The following EML6 variants were observed in gnomAD, a reference collection of about 807,000 sequenced individuals.
EML6 encodes echinoderm microtubule-associated protein-like 6.
In EML6, 154 loss-of-function variants were observed where a neutral mutation model predicts 240.1. The ratio of observed to expected loss-of-function variants is 0.64; its 90% CI spans 0.56 to 0.73. The LOEUF is 0.73. EML6 is among the 30% of genes least tolerant of loss of function. The pLI is 0.00. For synonymous variants in EML6, 1,148 were observed against 899.0 expected (o/e 1.28, Z -4.95); for missense variants, 2,964 against 2,474.6 (o/e 1.20, Z -4.20).
At chr2:54,748,431 G>A (rs1572852440) in intron 2 of EML6, 1 of 152,138 alleles carries the variant, frequency 6.6e-6, no homozygotes, top group Admixed American at 6.5e-5. Flanking sequence ...TATCTTGTTT[G>A]CTGTCTTCAT....
chr2:54,795,018 C>T (rs962828699), intron 2 of EML6, among the ~76,000 whole-genome samples: 1 of 152,096 alleles, frequency 6.6e-6, no homozygotes, highest in Admixed American at 6.5e-5. Flanking sequence ...AGAATTTTAC[C>T]ACGCCATTCT....
At chr2:54,895,151 C>A in intron 20 of EML6, 122 bp from the exon 21 acceptor site, 1 of 1,332,136 alleles carries the variant, frequency 7.5e-7, no homozygotes, top group Non-Finnish European at 1.0e-6. Context: ...AACTCTCTTC[C>A]TCTGGTAGAA....
intron 12 of EML6, among the ~76,000 whole-genome samples, chr2:54,863,325 C>G (rs963694442): frequency 6.6e-6 from 1 of 152,140 alleles, no homozygotes; most frequent in African/African-American, 2.4e-5. Flanking sequence ...AATGACCAAC[C>G]TAGGCAATGT....
At chr2:54,933,616 C>G (rs1448038429) in intron 28 of EML6, among the ~76,000 whole-genome samples, 1 of 152,070 alleles carries the variant, frequency 6.6e-6, no homozygotes, top group African/African-American at 2.4e-5. Flanking sequence ...CGCCTGTAAT[C>G]TCAGCTACTC....
intron 12 of EML6, among the ~76,000 whole-genome samples, chr2:54,861,989 T>C (rs535633921): frequency 1.3e-5 from 2 of 152,260 alleles, no homozygotes; most frequent in African/African-American, 2.4e-5. Context: ...ACTTTAGAGA[T>C]AGAAGGTGTT....
chr2:54,896,925 C>T (rs977389632), intron 21 of EML6, among the ~76,000 whole-genome samples: 1 of 152,198 alleles, frequency 6.6e-6, no homozygotes, highest in Non-Finnish European at 1.5e-5. Flanking sequence ...GAAAGCTCTG[C>T]AGCTGGTCGT....
chr2:54,884,896 G>A (rs1328640600), intron 17 of EML6, among the ~76,000 whole-genome samples: 2 of 152,176 alleles, frequency 1.3e-5, no homozygotes, highest in Non-Finnish European at 2.9e-5. Flanking sequence ...TCATTGGGCT[G>A]GGCATGGGGG....
intron 3 of EML6, among the ~76,000 whole-genome samples, chr2:54,813,734 T>G (rs1018690435): frequency 6.6e-6 from 1 of 152,212 alleles, no homozygotes; most frequent in Non-Finnish European, 1.5e-5. Flanking sequence ...CAAGCCTTAT[T>G]CATAGACGTC....
intron 2 of EML6, among the ~76,000 whole-genome samples, chr2:54,763,649 A>G (rs1475902188): frequency 6.6e-6 from 1 of 152,202 alleles, no homozygotes; most frequent in Non-Finnish European, 1.5e-5. Flanking sequence ...AAGTCATAGA[A>G]AATATGGAGA....
intron 2 of EML6, among the ~76,000 whole-genome samples, chr2:54,750,687 C>A (rs1000616064): frequency 3.3e-5 from 5 of 152,110 alleles, no homozygotes; most frequent in African/African-American, 1.2e-4. Flanking sequence ...ATGTTGATGC[C>A]AATGGTCATG....
At chr2:54,892,432 A>G in intron 18 of EML6, 22 bp from the exon 19 acceptor site, 1 of 1,522,490 alleles carries the variant, frequency 6.6e-7, no homozygotes, top group South Asian at 1.2e-5. Context: ...ATAAAGTAAT[A>G]ACTGTTCTTG....
chr2:54,847,514 A>G lies in EML6; in HGVS notation c.1078A>G (p.Ile360Val), dbSNP rs1004892087. ...GTGGAGCCTGGCTGATCATGCCTTG[A>G]TCGCCCGCTGTAACATGGAAGAGGC... Reference protein sequence around the residue: ...RLWSLADHALIARCNMEEAVR... With the variant: ...RLWSLADHALVARCNMEEAVR... Residue 360 changes from isoleucine (I) to valine (V), a missense_variant, in exon 9 of 42, where the codon ATC (isoleucine) becomes GTC (valine). Coordinates refer to ENST00000356458, the MANE Select transcript of EML6 (RefSeq NM_001039753.4). The G allele has an allele frequency of 5.2e-6, 8 of 1,551,680 alleles. No individual in the cohort carries two copies. The Admixed American group carries it at 1.4e-4, about 27-fold the overall frequency.
At chr2:54,767,859 C>T (rs1468335629) in intron 2 of EML6, among the ~76,000 whole-genome samples, 1 of 151,986 alleles carries the variant, frequency 6.6e-6, no homozygotes, top group Non-Finnish European at 1.5e-5. Context: ...TGAGCTCAAG[C>T]GATCTGCCTG....
chr2:54,778,358 G>A (rs1019854564), intron 2 of EML6, among the ~76,000 whole-genome samples: 1 of 152,136 alleles, frequency 6.6e-6, no homozygotes, highest in African/African-American at 2.4e-5. Flanking sequence ...AAGAGAGAAG[G>A]GGGAGAGGAG....
chr2:54,801,405 G>A (rs1324658263), intron 2 of EML6, among the ~76,000 whole-genome samples: 1 of 152,148 alleles, frequency 6.6e-6, no homozygotes, highest in Non-Finnish European at 1.5e-5. Context: ...AAAGTGGGCT[G>A]GGTCAGCCTT....
chr2:54,875,036 G>A (rs928633341), intron 16 of EML6, among the ~76,000 whole-genome samples: 1 of 152,132 alleles, frequency 6.6e-6, no homozygotes, highest in African/African-American at 2.4e-5. Context: ...ATGCTAGTGT[G>A]TACACTTGGC....
intron 2 of EML6, among the ~76,000 whole-genome samples, chr2:54,739,531 T>G (rs1305427916): frequency 6.6e-6 from 1 of 152,184 alleles, no homozygotes; most frequent in African/African-American, 2.4e-5. Context: ...ACAACAAAGA[T>G]TTCTTGAGTG....
At chr2:54,847,397 G>T (rs1669823662) in intron 8 of EML6, 89 bp from the exon 9 acceptor site, 1 of 1,345,380 alleles carries the variant, frequency 7.4e-7, no homozygotes, top group Non-Finnish European at 1.0e-6. Context: ...TGTTACTGTT[G>T]GTGTGGTGAG....
intron 2 of EML6, among the ~76,000 whole-genome samples, chr2:54,802,669 C>CTACTAG (rs1670231014): frequency 6.7e-6 from 1 of 149,736 alleles, no homozygotes; most frequent in African/African-American, 2.5e-5. Context: ...ACTACTACTG[C>CTACTAG]TACTACTACT....
Sources: gnomAD v4.1 joint callset for allele counts (sites outside exome capture counted in the v4.1 genomes callset) on GRCh38, gnomAD v4.1.1 for gene constraint, MANE v1.5 for transcripts, NCBI Gene and HGNC (gene_info 2026-07-23, HGNC 2026-07-21) for gene names.